The following CMIP variants were observed in gnomAD, a reference collection of about 807,000 sequenced individuals.
CMIP encodes the protein c-Maf inducing protein.
In CMIP, 13 loss-of-function variants were observed where a neutral mutation model predicts 97.3. The ratio of observed to expected loss-of-function variants is 0.13; its 90% CI spans 0.09 to 0.21. CMIP has a LOEUF of 0.21. CMIP is among the 10% of genes least tolerant of loss of function. CMIP has a pLI of 1.00. For synonymous variants in CMIP, 538 were observed against 436.3 expected (o/e 1.23, Z -2.91); for missense variants, 847 against 1,024.9 (o/e 0.83, Z 2.37).
chr16:81,594,315 C>G (rs117234975), intron 1 of CMIP, among the ~76,000 whole-genome samples: 2 of 151,224 alleles, frequency 1.3e-5, no homozygotes, highest in East Asian at 3.9e-4. Flanking sequence ...GACGGAGTTT[C>G]GCCATGTTGT....
chr16:81,480,487 C>G (rs1908192053), intron 1 of CMIP, among the ~76,000 whole-genome samples: 1 of 152,198 alleles, frequency 6.6e-6, no homozygotes, highest in Admixed American at 6.5e-5. Flanking sequence ...CTGCAGTGAG[C>G]CAAGATCGTG....
intron 16 of CMIP, 100 bp downstream of exon 16, chr16:81,701,900 A>G (rs565912659): frequency 7.1e-7 from 1 of 1,412,858 alleles, no homozygotes; most frequent in African/African-American, 1.4e-5. Flanking sequence ...AGTGGACCTC[A>G]ATCTCGTTGA....
intron 2 of CMIP, among the ~76,000 whole-genome samples, chr16:81,612,788 C>A (rs1018912519): frequency 1.3e-5 from 2 of 151,930 alleles, no homozygotes; most frequent in African/African-American, 4.8e-5. Context: ...TGGCTGGGGA[C>A]CTCTCCCATG....
intron 1 of CMIP, among the ~76,000 whole-genome samples, chr16:81,483,816 C>T (rs899839786): frequency 2.0e-5 from 3 of 152,316 alleles, no homozygotes; most frequent in South Asian, 2.1e-4. Context: ...TCTAGAATTT[C>T]GCAACCCGTC....
chr16:81,623,140 G>A, intron 3 of CMIP, among the ~76,000 whole-genome samples: 1 of 152,122 alleles, frequency 6.6e-6, no homozygotes, highest in East Asian at 1.9e-4. Context: ...GGAGATGGAG[G>A]TTGTAGTGAG....
intron 1 of CMIP, among the ~76,000 whole-genome samples, chr16:81,450,687 G>A (rs553418851): frequency 6.7e-4 from 102 of 152,300 alleles, no homozygotes; most frequent in Non-Finnish European, 5.4e-4. Context: ...AGGTCTCATA[G>A]GTAGGAAGGC....
intron 7 of CMIP, chr16:81,666,310 A>G (rs573101114): frequency 6.6e-6 from 1 of 152,206 alleles, no homozygotes; most frequent in Non-Finnish European, 1.5e-5. Flanking sequence ...CCCCCGGGAC[A>G]TACTTGGCAG....
intron 3 of CMIP, among the ~76,000 whole-genome samples, chr16:81,643,978 T>C (rs929569747): frequency 6.6e-6 from 1 of 152,018 alleles, no homozygotes; most frequent in East Asian, 1.9e-4. Context: ...CCGGAGGCAC[T>C]AGGGTTGTCC....
chr16:81,497,632 G>C (rs2089515527), intron 1 of CMIP, among the ~76,000 whole-genome samples: 1 of 152,228 alleles, frequency 6.6e-6, no homozygotes, highest in African/African-American at 2.4e-5. Context: ...GCTCTCCGAG[G>C]GTGTCTGGGC....
chr16:81,541,488 G>C (rs114832479), intron 1 of CMIP, among the ~76,000 whole-genome samples: 82 of 152,268 alleles, frequency 5.4e-4, no homozygotes, highest in African/African-American at 1.7e-3. Flanking sequence ...GGATGCTCTT[G>C]GGACCCTCAC....
chr16:81,566,871 T>C (rs750928990), intron 1 of CMIP, among the ~76,000 whole-genome samples: 9 of 152,114 alleles, frequency 5.9e-5, no homozygotes, highest in Admixed American at 1.3e-4. Context: ...TTGAACAAAA[T>C]AAAGTAAAAT....
chr16:81,693,031 C>G (rs1906276938), intron 11 of CMIP, 127 bp from the exon 12 acceptor site: 1 of 706,948 alleles, frequency 1.4e-6, no homozygotes, highest in Admixed American at 2.6e-5. Context: ...TGGCATTTCA[C>G]TCACATTCCT....
rs185786953 is a variant in CMIP, at chr16:81,593,359, T to G, written c.301-14208T>G. On this transcript the variant is annotated intron_variant, in intron 1 of 20. Transcript: ENST00000537098. ...TGGTTGAGATTGGCGAGAGGTGGTG[T>G]TGTGCCTAGCCTGGGGGGTTGGAGG... Among the ~76,000 whole-genome samples the G allele has an allele frequency of 2.6e-5, 4 of 151,824 alleles. No homozygotes were observed. The East Asian group carries it at 7.8e-4, about 30-fold the overall frequency.
chr16:81,465,124 A>G (rs1463342725), intron 1 of CMIP, among the ~76,000 whole-genome samples: 1 of 152,248 alleles, frequency 6.6e-6, no homozygotes, highest in African/African-American at 2.4e-5. Flanking sequence ...CATTACATAA[A>G]GAACTCGGGT....
intron 10 of CMIP, among the ~76,000 whole-genome samples, chr16:81,684,353 C>T (rs1337229403): frequency 6.6e-6 from 1 of 152,248 alleles, no homozygotes; most frequent in Non-Finnish European, 1.5e-5. Flanking sequence ...AATGTGCCCC[C>T]ACAGGGGCCT....
chr16:81,446,135 T>TTGGAAG (rs1905827069), intron 1 of CMIP, among the ~76,000 whole-genome samples: 2 of 150,996 alleles, frequency 1.3e-5, no homozygotes, highest in African/African-American at 4.9e-5. Context: ...CATTGAGAGG[T>TTGGAAG]TGGAAGTGGA....
chr16:81,657,756 T>C lies in CMIP; in HGVS notation c.640-19T>C. 2 of 1,590,600 alleles carry C rather than the reference T, an allele frequency of 1.3e-6. No homozygotes were observed. Among genetic ancestry groups the C allele is most frequent in the African/African-American group, 1.3e-5 (1 of 74,114 alleles). On this transcript the variant is annotated intron_variant, in intron 4 of 20. Transcript: ENST00000537098. ...CTTTTGTTTTGTTTTCCTCCTGCTGTCTCCATTCAATCCTTTAGAACACAA... is the reference window on the plus strand; with the variant it reads ...CTTTTGTTTTGTTTTCCTCCTGCTGCCTCCATTCAATCCTTTAGAACACAA...
At chr16:81,610,315 G>A in intron 2 of CMIP, 1 of 985,670 alleles carries the variant, frequency 1.0e-6, no homozygotes, top group Non-Finnish European at 1.2e-6. Flanking sequence ...CCGTGGTGCT[G>A]AGGAGCCGAG....
At position 81,459,192 on chromosome 16, in the gene CMIP, C is replaced by T. The variant is rs1206025101; in HGVS notation, c.300+13651C>T. 1.3e-5 allele frequency among the ~76,000 whole-genome samples: 2 copies of T among 152,256 alleles called. 1 individual carries two copies. The highest frequency in any genetic ancestry group is 6.8e-3 in the Middle Eastern group (2 of 294). ...AAGGCAGGGTTTGGGTCCGTTTTTC[C>T]AGGAATACCCGATGTCAATAAAGGC... On this transcript the variant is annotated intron_variant, in intron 1 of 20. Coordinates refer to ENST00000537098, the MANE Select transcript of CMIP (RefSeq NM_198390.3).
Sources: gnomAD v4.1 joint callset for allele counts (sites outside exome capture counted in the v4.1 genomes callset) on GRCh38, gnomAD v4.1.1 for gene constraint, MANE v1.5 for transcripts, NCBI Gene and HGNC (gene_info 2026-07-23, HGNC 2026-07-21) for gene names.